Variants in DSCAM observed in about 807,000 individuals in gnomAD.
DSCAM encodes cell adhesion molecule DSCAM.
In DSCAM, 47 loss-of-function variants were observed where a neutral mutation model predicts 217.7. The ratio of observed to expected loss-of-function variants is 0.22; its 90% confidence interval spans 0.17 to 0.28. The LOEUF is 0.28. Among genes scored for constraint, DSCAM ranks in the 10% least tolerant of loss-of-function variants. The probability of loss-of-function intolerance (pLI) is 1.00; values close to 1 mark genes in which losing one functional copy is unlikely to be tolerated. For synonymous variants in DSCAM, 1,056 were observed against 1,015.3 expected, an observed-to-expected ratio of 1.04 and a Z score of -0.76; for missense variants, 2,080 against 2,618.3, an observed-to-expected ratio of 0.79 and a Z score of 4.49.
At chr21:40,760,045 A>G (rs1002042098) in intron 1 of DSCAM, among the ~76,000 whole-genome samples, 1 of 151,770 alleles carries the variant, frequency 6.6e-6, no homozygotes, top group Non-Finnish European at 1.5e-5. Flanking sequence ...CCAGGCTGGA[A>G]TGCAGTGGCA....
chr21:40,756,625 C>T (rs1481347833), intron 1 of DSCAM, among the ~76,000 whole-genome samples: 1 of 152,082 alleles, frequency 6.6e-6, no homozygotes, highest in Non-Finnish European at 1.5e-5. Context: ...TTTCTGACCT[C>T]AAGTGATCCA....
rs573587712 is a variant in DSCAM at position 40,137,298 on chromosome 21, TATCATGAACC to T, written c.3407-3299_3407-3290del. ...TTCAAGTTATTTTGATTAACTAATT[TATCATGAACC>T]ATGAAGACAAAGGCAGTCAAAATCC... On this transcript the variant is annotated intron_variant, in intron 18 of 32. Coordinates refer to ENST00000400454, the MANE Select transcript of DSCAM (RefSeq NM_001389.5). Among the ~76,000 whole-genome samples the T allele has an allele frequency of 2.7e-3, 405 of 151,614 alleles. 2 individuals are homozygous for T. The highest frequency in any genetic ancestry group is 0.014 in the Middle Eastern group (4 of 290).
intron 3 of DSCAM, among the ~76,000 whole-genome samples, chr21:40,493,958 G>A (rs2076097517): frequency 6.6e-6 from 1 of 150,622 alleles, no homozygotes; most frequent in Admixed American, 6.6e-5. Flanking sequence ...TTAAAGTTAT[G>A]TCATTAGTAG....
chr21:40,197,680 T>C (rs2091027330), intron 11 of DSCAM, among the ~76,000 whole-genome samples: 1 of 152,214 alleles, frequency 6.6e-6, no homozygotes, highest in Non-Finnish European at 1.5e-5. Context: ...TAAATGGTAG[T>C]AGCAGCACAG....
chr21:40,415,947 G>A (rs951702645), intron 3 of DSCAM, among the ~76,000 whole-genome samples: 1 of 151,976 alleles, frequency 6.6e-6, no homozygotes, highest in African/African-American at 2.4e-5. Context: ...TTTTTAGGCA[G>A]AAAAAAAGGT....
At chr21:40,120,354 T>C (rs1323523935) in intron 20 of DSCAM, among the ~76,000 whole-genome samples, 1 of 152,196 alleles carries the variant, frequency 6.6e-6, no homozygotes, top group Non-Finnish European at 1.5e-5. Context: ...CAAATGAGAT[T>C]AGCATTGTGA....
chr21:40,186,121 C>T (rs2090891868), intron 14 of DSCAM, among the ~76,000 whole-genome samples: 1 of 152,148 alleles, frequency 6.6e-6, no homozygotes, highest in Admixed American at 6.5e-5. Flanking sequence ...TTCTGTTCTC[C>T]TGAATTCCCG....
At chr21:40,279,608 A>T (rs1281210520) in intron 10 of DSCAM, among the ~76,000 whole-genome samples, 1 of 152,240 alleles carries the variant, frequency 6.6e-6, no homozygotes, top group Non-Finnish European at 1.5e-5. Context: ...CATTTGACCC[A>T]GCAATCCCAT....
intron 4 of DSCAM, among the ~76,000 whole-genome samples, chr21:40,364,705 TATAC>T (rs1301758299): frequency 4.7e-5 from 7 of 147,906 alleles, no homozygotes; most frequent in Admixed American, 6.8e-5. Flanking sequence ...TATATATATA[TATAC>T]ACACACAGTA....
intron 32 of DSCAM, among the ~76,000 whole-genome samples, chr21:40,028,924 G>T (rs1386413682): frequency 1.3e-5 from 2 of 151,808 alleles, no homozygotes; most frequent in East Asian, 3.9e-4. Context: ...TTGAAATGAG[G>T]ATAGCTATCC....
chr21:40,719,473 G>C (rs2090878746), intron 1 of DSCAM, among the ~76,000 whole-genome samples: 1 of 152,146 alleles, frequency 6.6e-6, no homozygotes, highest in Non-Finnish European at 1.5e-5. Flanking sequence ...AAAAGCACAT[G>C]CATATGTCCA....
intron 3 of DSCAM, among the ~76,000 whole-genome samples, chr21:40,446,599 C>A (rs993967250): frequency 3.3e-5 from 5 of 152,140 alleles, no homozygotes; most frequent in Non-Finnish European, 5.9e-5. Context: ...AGCAAAAAAG[C>A]AAATGTGTTT....
At chr21:40,421,400 C>G (rs1569115035) in intron 3 of DSCAM, among the ~76,000 whole-genome samples, 1 of 152,226 alleles carries the variant, frequency 6.6e-6, no homozygotes, top group African/African-American at 2.4e-5. Flanking sequence ...ACCCAGCCTG[C>G]TCAGAAAGTG....
rs528771568 is a variant in DSCAM at position 40,304,675 on chromosome 21, G to C, written c.2062+7406C>G. On this transcript the variant is annotated intron_variant, in intron 9 of 32. Transcript: ENST00000400454. The stretch of plus-strand genomic sequence containing the variant: ...CTGAAACACCGGAGACTGTTGTGGG[G>C]CCATTCATTGGCCTAATTTCAATAT... Among the ~76,000 whole-genome samples, 8 of 152,294 alleles carry C rather than the reference G, an allele frequency of 5.3e-5. No individual in the cohort carries two copies. In the South Asian group the frequency reaches 1.5e-3, roughly 28 times the overall value.
rs1385868645 is a variant in DSCAM at position 40,666,086 on chromosome 21, C to A, written c.508+26724G>T. On this transcript the variant is annotated intron_variant, in intron 3 of 32. Transcript: ENST00000400454. ...GCATCCCTACTCTCAGTGGGGACTG[C>A]CAACAATTTAATGGTAACCTGAGGA... is the stretch of plus-strand genomic sequence containing the variant. Among the ~76,000 whole-genome samples the A allele has an allele frequency of 2.0e-5, 3 of 152,232 alleles. No individual in the cohort carries two copies. The East Asian group carries it at 5.8e-4, about 30-fold the overall frequency.
Position 40,342,978 on chromosome 21 carries a change from T to C in DSCAM, c.1211-3563A>G, listed in dbSNP as rs1350773723. 5.9e-5 allele frequency among the ~76,000 whole-genome samples: 9 copies of C among 151,996 alleles called. No individual in the cohort carries two copies. The East Asian group carries it at 1.5e-3, about 26-fold the overall frequency. On this transcript the variant is annotated intron_variant, in intron 6 of 32. Coordinates refer to ENST00000400454, the MANE Select transcript of DSCAM (RefSeq NM_001389.5). ...GGTATATCTTTTCAATTTTTTAGGT[T>C]ATTTCAATTTTATATTAGCAGAGTT...
intron 3 of DSCAM, among the ~76,000 whole-genome samples, chr21:40,522,865 C>T (rs1245221363): frequency 1.3e-5 from 2 of 152,074 alleles, no homozygotes; most frequent in Non-Finnish European, 2.9e-5. Context: ...GGCAGAAGCA[C>T]ATGTAATTGT....
intron 1 of DSCAM, among the ~76,000 whole-genome samples, chr21:40,716,388 G>C (rs1480957300): frequency 6.6e-6 from 1 of 152,164 alleles, no homozygotes; most frequent in Non-Finnish European, 1.5e-5. Context: ...TTATGTGTGT[G>C]TGTGTGTGTG....
intron 19 of DSCAM, among the ~76,000 whole-genome samples, chr21:40,126,717 G>A (rs549525141): frequency 2.6e-5 from 4 of 152,254 alleles, no homozygotes; most frequent in East Asian, 1.9e-4. Context: ...GATGATTTCC[G>A]TGAGCATGCC....
Sources: allele counts gnomAD v4.1 joint callset (sites outside exome capture counted in the v4.1 genomes callset), GRCh38; gene constraint gnomAD v4.1.1; transcripts MANE v1.5; gene names NCBI Gene and HGNC (gene_info 2026-07-23, HGNC 2026-07-21).